PGR: variants seen among roughly 807,000 people sequenced by gnomAD.
The protein encoded by PGR is nuclear receptor subfamily 3 group C member 3.
In PGR, 25 loss-of-function variants were observed where a neutral mutation model predicts 76.1. That is an observed-to-expected ratio of 0.33 (90% CI 0.24 to 0.46). PGR has a LOEUF of 0.46. PGR is among the 20% of genes least tolerant of loss of function. PGR has a pLI of 1.00. For synonymous variants in PGR, 579 were observed against 535.0 expected (o/e 1.08, Z -1.14); for missense variants, 1,172 against 1,225.3 (o/e 0.96, Z 0.65).
At chr11:101,104,438 T>A (rs1394851784) in intron 2 of PGR, among the ~76,000 whole-genome samples, 4 of 152,228 alleles carry the variant, frequency 2.6e-5, no homozygotes, top group Admixed American at 2.0e-4. Flanking sequence ...ATAAGGCTGT[T>A]ATATGGATTA....
intron 3 of PGR, among the ~76,000 whole-genome samples, chr11:101,068,899 T>A (rs538066636): frequency 2.0e-5 from 3 of 152,048 alleles, no homozygotes; most frequent in Non-Finnish European, 2.9e-5. Context: ...ACATAAGACC[T>A]AAAACCATAA....
intron 2 of PGR, among the ~76,000 whole-genome samples, chr11:101,112,487 G>C (rs1862373549): frequency 6.6e-6 from 1 of 152,140 alleles, no homozygotes; most frequent in Non-Finnish European, 1.5e-5. Context: ...TGGGATTATA[G>C]TTCAGAGGCC....
At chr11:101,048,394 T>C (rs188712945) in intron 6 of PGR, among the ~76,000 whole-genome samples, 48 of 152,144 alleles carry the variant, frequency 3.2e-4, no homozygotes, top group African/African-American at 1.1e-3. Context: ...CTGAGAAATG[T>C]GTCCTTATGT....
At chr11:101,039,310 A>G (rs200889516) in intron 7 of PGR, 39 bp from the exon 8 acceptor site, 364 of 1,468,214 alleles carry the variant, frequency 2.5e-4, no homozygotes, top group Non-Finnish European at 3.3e-4. Flanking sequence ...ATGTAATAAA[A>G]ATAATAAATT....
chr11:101,084,694 G>A (rs1186030059), intron 3 of PGR, among the ~76,000 whole-genome samples: 1 of 150,988 alleles, frequency 6.6e-6, no homozygotes, highest in Non-Finnish European at 1.5e-5. Flanking sequence ...AAACCAGCTA[G>A]GAAAACCAGA....
intron 4 of PGR, among the ~76,000 whole-genome samples, chr11:101,058,463 A>G (rs1291423814): frequency 2.0e-5 from 3 of 152,194 alleles, no homozygotes; most frequent in Non-Finnish European, 4.4e-5. Flanking sequence ...GCACGCTTCA[A>G]AAGCAGAAAA....
rs780592722 is a variant in PGR at position 101,126,116 on chromosome 11, C to G, written c.1680G>C (p.Glu560Asp). ...EASQSPQYSF[E>D]SLPQKICLIC... Reference sequence around the variant, plus strand: ...TTAAACAAATCTTCTGAGGTAATGACTCGAAGCTGTATTGTGGGCTCTGGC... The same window carrying G: ...TTAAACAAATCTTCTGAGGTAATGAGTCGAAGCTGTATTGTGGGCTCTGGC... The change falls in exon 2 of 8, where the codon GAG becomes GAC. Residue 560 changes from glutamate (E) to aspartate (D), a missense_variant. Coordinates refer to ENST00000325455, the MANE Select transcript of PGR (RefSeq NM_000926.4). The G allele has an allele frequency of 5.6e-6, 9 of 1,614,054 alleles. No homozygotes were observed. The South Asian group carries it at 9.9e-5, about 18-fold the overall frequency.
chr11:101,068,237 A>C (rs1860794374), intron 3 of PGR, among the ~76,000 whole-genome samples: 1 of 152,196 alleles, frequency 6.6e-6, no homozygotes, highest in African/African-American at 2.4e-5. Flanking sequence ...ATAGACAAAC[A>C]GAGAGCCAAA....
At chr11:101,071,522 A>T (rs770315641) in intron 3 of PGR, among the ~76,000 whole-genome samples, 9 of 151,796 alleles carry the variant, frequency 5.9e-5, no homozygotes, top group Middle Eastern at 3.4e-3. Flanking sequence ...GTAATGACAA[A>T]CTCCTCTGAG....
chr11:101,123,355 C>T (rs1862736604), intron 2 of PGR, among the ~76,000 whole-genome samples: 1 of 152,190 alleles, frequency 6.6e-6, no homozygotes, highest in Non-Finnish European at 1.5e-5. Context: ...CATCCACACA[C>T]AGCGCCACCT....
chr11:101,060,969 C>T (rs1256799890), intron 4 of PGR, among the ~76,000 whole-genome samples: 2 of 152,132 alleles, frequency 1.3e-5, no homozygotes, highest in African/African-American at 2.4e-5. Flanking sequence ...TCAAGTATAA[C>T]TGGTTATTTT....
At chr11:101,065,275 T>C (rs1333701714) in intron 3 of PGR, among the ~76,000 whole-genome samples, 1 of 141,076 alleles carries the variant, frequency 7.1e-6, no homozygotes, top group African/African-American at 2.7e-5. Context: ...GTTATTAAAG[T>C]AGTTGTTTTG....
At chr11:101,082,359 A>C (rs2135441684) in intron 3 of PGR, among the ~76,000 whole-genome samples, 1 of 152,362 alleles carries the variant, frequency 6.6e-6, no homozygotes, top group African/African-American at 2.4e-5. Context: ...AGTGGAGCAC[A>C]GTTAAGAAGA....
chr11:101,118,624 A>T (rs2135497879), intron 2 of PGR, among the ~76,000 whole-genome samples: 1 of 152,342 alleles, frequency 6.6e-6, no homozygotes, highest in East Asian at 1.9e-4. Flanking sequence ...TAATTTTTTA[A>T]AATTGAGCAT....
rs570640943 is a variant in PGR, at chr11:101,038,118, T to C, written c.*998A>G. The C allele has an allele frequency of 1.0e-5, 2 of 194,764 alleles. No homozygotes were observed. Among genetic ancestry groups the C allele is most frequent in the Non-Finnish European group, 2.1e-5 (2 of 93,570 alleles). 12.1% of individuals were successfully genotyped at this position (194,764 alleles called of 1,614,324 possible). On this transcript the variant is annotated 3_prime_UTR_variant, in exon 8 of 8. Coordinates refer to ENST00000325455, the MANE Select transcript of PGR (RefSeq NM_000926.4). ...AGATTTGCATGGCTGAAACATAATA[T>C]GAATTCATGATAGTGGAGGATAAAG...
chr11:101,102,059 G>A (rs1204094983), intron 2 of PGR, among the ~76,000 whole-genome samples: 2 of 152,062 alleles, frequency 1.3e-5, no homozygotes, highest in Admixed American at 6.6e-5. Flanking sequence ...TCTACAAAAC[G>A]GCTGGCCTAG....
At chr11:101,048,808 C>T (rs1368597744) in intron 6 of PGR, among the ~76,000 whole-genome samples, 2 of 152,102 alleles carry the variant, frequency 1.3e-5, no homozygotes, top group East Asian at 1.9e-4. Flanking sequence ...AATAAATTAG[C>T]TTTACCTTAC....
intron 3 of PGR, among the ~76,000 whole-genome samples, chr11:101,087,927 G>A (rs899079231): frequency 6.6e-5 from 10 of 152,100 alleles, no homozygotes; most frequent in Admixed American, 3.9e-4. Context: ...ACTCATGCCA[G>A]GCATGGTGGC....
intron 3 of PGR, among the ~76,000 whole-genome samples, chr11:101,089,121 A>G (rs1468906709): frequency 6.6e-6 from 1 of 152,160 alleles, no homozygotes; most frequent in Non-Finnish European, 1.5e-5. Context: ...CTCAAACATT[A>G]GTGTCACACA....
Sources: allele counts gnomAD v4.1 joint callset (sites outside exome capture counted in the v4.1 genomes callset), GRCh38; gene constraint gnomAD v4.1.1; transcripts MANE v1.5; gene names NCBI Gene and HGNC (gene_info 2026-07-23, HGNC 2026-07-21).